RHBDL3: variants seen among roughly 807,000 people sequenced by gnomAD.
The protein encoded by RHBDL3 is rhomboid like 3.
RHBDL3 carries 28 observed loss-of-function variants against 48.2 expected under a neutral mutation model. The ratio of observed to expected loss-of-function variants is 0.58; its 90% CI spans 0.43 to 0.80. The LOEUF (loss-of-function observed/expected upper bound fraction) is 0.80. Ranked by LOEUF, RHBDL3 falls within the 30% of genes least tolerant of loss-of-function variation. RHBDL3 has a pLI of 0.00. For synonymous variants in RHBDL3, 208 were observed against 232.3 expected (o/e 0.90, Z 0.95); for missense variants, 464 against 542.7 (o/e 0.85, Z 1.44).
At chr17:32,269,839 C>G (rs1184334416) in intron 2 of RHBDL3, among the ~76,000 whole-genome samples, 1 of 151,956 alleles carries the variant, frequency 6.6e-6, no homozygotes, top group East Asian at 1.9e-4. Flanking sequence ...TTAAAACAAA[C>G]CATTTGGGTG....
chr17:32,307,355 C>T (rs1194227707), intron 7 of RHBDL3, among the ~76,000 whole-genome samples: 1 of 152,172 alleles, frequency 6.6e-6, no homozygotes, highest in African/African-American at 2.4e-5. Flanking sequence ...GCCCACGTGG[C>T]AGATGTTTGA....
chr17:32,277,581 C>G (rs1475170535), intron 2 of RHBDL3, among the ~76,000 whole-genome samples: 1 of 152,236 alleles, frequency 6.6e-6, no homozygotes, highest in Non-Finnish European at 1.5e-5. Flanking sequence ...TGTCCCCAGT[C>G]AACCCTCAGG....
chr17:32,319,041 G>A (rs1187576016), intron 8 of RHBDL3, among the ~76,000 whole-genome samples: 3 of 151,942 alleles, frequency 2.0e-5, no homozygotes, highest in Admixed American at 2.0e-4. Flanking sequence ...GTGGCAGTGG[G>A]TGTGTCATAG....
chr17:32,273,182 A>G lies in RHBDL3; in HGVS notation c.135+5257A>G, dbSNP rs550869658. ...GGCCTGGCTATTTTTTGGTATTTTT[A>G]GTAGAGATGGGGTTTCACCACTTTG... On this transcript the variant is annotated intron_variant, in intron 2 of 8. Coordinates refer to ENST00000269051, the MANE Select transcript of RHBDL3 (RefSeq NM_138328.3). 7.6e-4 allele frequency among the ~76,000 whole-genome samples: 115 copies of G among 152,216 alleles called. 1 individual carries two copies. The Middle Eastern group carries it at 0.01, about 14-fold the overall frequency.
rs568521840 is a variant in RHBDL3, at chr17:32,305,429, C to G, written c.870C>G (p.Ala290=). ...ATGCTCTCGTCTCTGCCCATCTGGC[C>G]AACATTGTCATGGTGAGCACCTCCC... The part of the protein sequence containing the change: ...GVYALVSAHL[A]NIVMNWSGMK... Residue 290 remains alanine (A), a synonymous_variant, in exon 7 of 9, where the codon GCC becomes GCG. Coordinates refer to ENST00000269051, the MANE Select transcript of RHBDL3 (RefSeq NM_138328.3). 2 of 1,608,988 alleles carry G rather than the reference C, an allele frequency of 1.2e-6. No individual in the cohort carries two copies. Among genetic ancestry groups the G allele is most frequent in the Admixed American group, 3.3e-5 (2 of 60,014 alleles).
chr17:32,312,886 T>G (rs937930367), intron 7 of RHBDL3, among the ~76,000 whole-genome samples: 1 of 152,100 alleles, frequency 6.6e-6, no homozygotes. Context: ...TTCAGCTCAC[T>G]GCAACCTCCA....
intron 1 of RHBDL3, among the ~76,000 whole-genome samples, chr17:32,267,061 C>A (rs1442409502): frequency 6.6e-6 from 1 of 152,140 alleles, no homozygotes; most frequent in Non-Finnish European, 1.5e-5. Context: ...CGGGGCTAAC[C>A]TACACATAGG....
intron 5 of RHBDL3, among the ~76,000 whole-genome samples, chr17:32,295,710 G>T (rs573271940): frequency 6.6e-6 from 1 of 152,324 alleles, no homozygotes; most frequent in Non-Finnish European, 1.5e-5. Context: ...TGAGCTGAGG[G>T]CATCTGAGCC....
In RHBDL3 at chr17:32,316,136, G is replaced by A. The variant is rs573750395; in HGVS notation, c.883-96G>A. 1.2e-4 allele frequency: 100 copies of A among 865,190 alleles called. No individual in the cohort carries two copies. The African/African-American group carries it at 1.4e-3, about 12-fold the overall frequency. The allele number at this position is 865,190 out of a possible 1,614,324, so 53.6% of individuals were successfully genotyped here. The stretch of plus-strand genomic sequence containing the variant: ...ACAACCCTCTCATTCAGGACTTCAC[G>A]GAGATCCTTATTTTAATGTCAGGTT... On this transcript the variant is annotated intron_variant, in intron 7 of 8. Coordinates refer to ENST00000269051, the MANE Select transcript of RHBDL3 (RefSeq NM_138328.3).
At chr17:32,301,290 G>A (rs113960984) in intron 6 of RHBDL3, among the ~76,000 whole-genome samples, 4,288 of 151,980 alleles carry the variant, frequency 0.028, 82 homozygotes, top group Non-Finnish European at 0.038. Flanking sequence ...ATCTTGGGCC[G>A]GGCAAAGTGG....
intron 6 of RHBDL3, 91 bp downstream of exon 6, chr17:32,298,295 GAC>G (rs1348111366): frequency 1.3e-6 from 1 of 772,870 alleles, no homozygotes; most frequent in African/African-American, 1.7e-5. Context: ...AGGTTTCCAG[GAC>G]ACACAGAAGA....
Position 32,323,001 on chromosome 17 carries a change from G to C in RHBDL3, c.*1772G>C, listed in dbSNP as rs2041173757. 6.6e-6 allele frequency: 1 copy of C among 152,344 alleles called. No homozygotes were observed. The highest frequency in any genetic ancestry group is 1.5e-5 in the Non-Finnish European group (1 of 68,188). 9.4% of individuals were successfully genotyped at this position (152,344 alleles called of 1,614,324 possible). A position where few individuals can be genotyped will look rare whatever the true frequency, so the allele number is the denominator to read the frequency against. ...GGCCCTTGAGTGTAGCAGGGTCCAG[G>C]GTCAGTCAGGCCAGGCATTTGGGGT... On this transcript the variant is annotated 3_prime_UTR_variant, in exon 9 of 9. Transcript: ENST00000269051.
chr17:32,274,421 T>A (rs1484614472), intron 2 of RHBDL3, among the ~76,000 whole-genome samples: 3 of 152,202 alleles, frequency 2.0e-5, no homozygotes, highest in Non-Finnish European at 4.4e-5. Flanking sequence ...CAGGCTTTTG[T>A]GAAGCAAGGT....
intron 2 of RHBDL3, 42 bp downstream of exon 2, chr17:32,267,967 T>TGAAATCGGTCTCA (rs775336327): frequency 2.0e-6 from 3 of 1,503,516 alleles, no homozygotes; most frequent in Non-Finnish European, 2.8e-6. Context: ...CAGCCCTCCC[T>TGAAATCGGTCTCA]GAAATCGGTC....
intron 1 of RHBDL3, among the ~76,000 whole-genome samples, chr17:32,266,514 C>G (rs1382435035): frequency 3.3e-5 from 5 of 152,102 alleles, no homozygotes; most frequent in African/African-American, 1.2e-4. Context: ...CGCGGCTTCC[C>G]TGCGGGACAC....
At chr17:32,307,773 T>G (rs1406001456) in intron 7 of RHBDL3, among the ~76,000 whole-genome samples, 2 of 152,110 alleles carry the variant, frequency 1.3e-5, no homozygotes, top group Non-Finnish European at 2.9e-5. Context: ...AAATGGGTCA[T>G]TCTGTATCAG....
intron 8 of RHBDL3, among the ~76,000 whole-genome samples, chr17:32,317,626 G>A (rs756895161): frequency 2.4e-4 from 36 of 152,194 alleles, no homozygotes; most frequent in Non-Finnish European, 4.3e-4. Context: ...CAAGAAATTC[G>A]TTTTGGGATT....
chr17:32,286,569 C>G (rs1213942537), intron 3 of RHBDL3, among the ~76,000 whole-genome samples: 1 of 152,136 alleles, frequency 6.6e-6, no homozygotes, highest in Non-Finnish European at 1.5e-5. Context: ...AGGGTTGTTG[C>G]AAGGATCAAA....
chr17:32,267,996 T>G lies in RHBDL3; in HGVS notation c.135+71T>G, dbSNP rs1169927601. The G allele has an allele frequency of 2.7e-5, 32 of 1,185,534 alleles. No homozygotes were observed. The East Asian group carries it at 7.2e-4, about 27-fold the overall frequency. 73.4% of individuals were successfully genotyped at this position (1,185,534 alleles called of 1,614,324 possible). A position where few individuals can be genotyped will look rare whatever the true frequency, so the allele number is the denominator to read the frequency against. ...ATCGGTCTCAGTCTCCCTGCTTGCGTGGGCTTCCCTAGCTCCGCGCTCCTG... is the reference window on the plus strand; with the variant it reads ...ATCGGTCTCAGTCTCCCTGCTTGCGGGGGCTTCCCTAGCTCCGCGCTCCTG... On this transcript the variant is annotated intron_variant, in intron 2 of 8. Transcript: ENST00000269051.
Sources: gnomAD v4.1 joint callset for allele counts (sites outside exome capture counted in the v4.1 genomes callset) on GRCh38, gnomAD v4.1.1 for gene constraint, MANE v1.5 for transcripts, NCBI Gene and HGNC (gene_info 2026-07-23, HGNC 2026-07-21) for gene names.